ROBO2: variants seen among roughly 807,000 people sequenced by gnomAD.
ROBO2 encodes roundabout homolog 2.
A neutral mutation model predicts 160.8 loss-of-function variants in ROBO2; 53 were observed. That is an observed-to-expected ratio of 0.33 (90% CI 0.26 to 0.41). The LOEUF is 0.41. ROBO2 is among the 10% of genes least tolerant of loss of function. The pLI, the probability that ROBO2 is intolerant of heterozygous loss-of-function variation, is 1.00. For missense variants in ROBO2, 1,577 were observed against 1,722.4 expected (o/e 0.92, Z 1.49); for synonymous variants, 664 against 611.7 (o/e 1.09, Z -1.26).
At chr3:76,309,717 G>T (rs4855978) in intron 2 of ROBO2, among the ~76,000 whole-genome samples, 15,438 of 152,176 alleles carry the variant, frequency 0.1, 1,552 homozygotes, top group East Asian at 0.41. Context: ...AAGGAAATTA[G>T]TGACCATACA....
intron 2 of ROBO2, among the ~76,000 whole-genome samples, chr3:76,508,143 A>G (rs568028724): frequency 6.6e-6 from 1 of 152,344 alleles, no homozygotes; most frequent in Non-Finnish European, 1.5e-5. Context: ...ATATATAAAT[A>G]CATGTACACA....
intron 2 of ROBO2, among the ~76,000 whole-genome samples, chr3:76,695,848 A>T (rs1335900746): frequency 6.6e-6 from 1 of 152,170 alleles, no homozygotes; most frequent in Non-Finnish European, 1.5e-5. Context: ...CCATATACCT[A>T]ATCACTATAA....
intron 2 of ROBO2, among the ~76,000 whole-genome samples, chr3:76,480,808 G>C (rs2079168525): frequency 6.6e-6 from 1 of 152,222 alleles, no homozygotes; most frequent in African/African-American, 2.4e-5. Context: ...TTATAGCAAA[G>C]ATAATATTTT....
rs187757278 is a variant in ROBO2 at position 76,442,965 on chromosome 3, G to A, written c.109+505363G>A. ...TGCTATAAAAGATTAATCGAAGCTG[G>A]GTAATTTATAAAGAAAAAAGGTTTA... On this transcript the variant is annotated intron_variant, in intron 2 of 26. Transcript: ENST00000487694. Among the ~76,000 whole-genome samples, 406 of 152,084 alleles carry A rather than the reference G, an allele frequency of 2.7e-3. 1 individual carries two copies. The highest frequency in any genetic ancestry group is 8.9e-3 in the African/African-American group (371 of 41,482).
chr3:76,902,327 CTGTT>C (rs1227443381), intron 2 of ROBO2, among the ~76,000 whole-genome samples: 2 of 151,880 alleles, frequency 1.3e-5, no homozygotes, highest in Non-Finnish European at 2.9e-5. Flanking sequence ...ATGCACTACT[CTGTT>C]TATTTGGCAA....
At chr3:76,137,527 T>C (rs959806942) in intron 2 of ROBO2, among the ~76,000 whole-genome samples, 2 of 152,044 alleles carry the variant, frequency 1.3e-5, no homozygotes, top group African/African-American at 2.4e-5. Context: ...TTTTATACTT[T>C]AATTTCACAT....
At chr3:77,061,611 G>A (rs1423173494) in intron 1 of ROBO2, among the ~76,000 whole-genome samples, 2 of 152,140 alleles carry the variant, frequency 1.3e-5, no homozygotes, top group Non-Finnish European at 2.9e-5. Flanking sequence ...AACAATTCAG[G>A]AATGGCTTTC....
intron 2 of ROBO2, among the ~76,000 whole-genome samples, chr3:77,343,172 A>T (rs964726272): frequency 1.3e-5 from 2 of 152,058 alleles, no homozygotes; most frequent in African/African-American, 4.8e-5. Flanking sequence ...TAAAGATCCT[A>T]TACAGTCACA....
Position 76,885,389 on chromosome 3 carries a change from C to T in ROBO2, c.110-212625C>T, listed in dbSNP as rs377438904. ...CAAAAGCCACTTCAGGTTGACAGAA[C>T]ACATATTTATTAAACAAATATAAAA... is the stretch of plus-strand genomic sequence containing the variant. On this transcript the variant is annotated intron_variant, in intron 2 of 26. Transcript: ENST00000487694. Among the ~76,000 whole-genome samples the T allele has an allele frequency of 3.9e-5, 6 of 152,104 alleles. No individual in the cohort carries two copies. The East Asian group carries it at 7.7e-4, about 20-fold the overall frequency.
rs1250879409 is a variant in ROBO2, at chr3:76,842,868, CATGA to C, written c.110-255141_110-255138del. The stretch of plus-strand genomic sequence containing the variant: ...TATTCATTTCATTATCCCAGCTTGA[CATGA>C]ATGAGTTATTATTCCTGCTTTTCTA... On this transcript the variant is annotated intron_variant, in intron 2 of 26. Coordinates refer to the ROBO2 transcript ENST00000487694. Among the ~76,000 whole-genome samples the C allele has an allele frequency of 4.6e-5, 7 of 152,066 alleles. No individual in the cohort carries two copies. In the East Asian group the frequency reaches 7.7e-4, roughly 17 times the overall value.
chr3:76,884,508 AGGC>A (rs1201113264), intron 2 of ROBO2, among the ~76,000 whole-genome samples: 1 of 152,164 alleles, frequency 6.6e-6, no homozygotes, highest in East Asian at 1.9e-4. Context: ...CCTTGCACAG[AGGC>A]CAGCTGGTAT....
intron 2 of ROBO2, among the ~76,000 whole-genome samples, chr3:77,416,894 G>A (rs894622654): frequency 3.3e-5 from 5 of 152,048 alleles, no homozygotes; most frequent in Non-Finnish European, 7.4e-5. Flanking sequence ...TGGGGTAAAA[G>A]TTACATTTTG....
chr3:76,774,180 T>C (rs1342997405), intron 2 of ROBO2, among the ~76,000 whole-genome samples: 1 of 150,976 alleles, frequency 6.6e-6, no homozygotes, highest in Non-Finnish European at 1.5e-5. Context: ...ATGAATTATA[T>C]TGTAATTCTG....
intron 2 of ROBO2, among the ~76,000 whole-genome samples, chr3:76,301,386 G>T (rs1357619538): frequency 6.6e-6 from 1 of 151,846 alleles, no homozygotes; most frequent in Non-Finnish European, 1.5e-5. Context: ...TGAAGAATAG[G>T]CTTTCAAAAA....
chr3:77,410,801 C>G (rs1023191163), intron 2 of ROBO2, among the ~76,000 whole-genome samples: 1 of 148,226 alleles, frequency 6.7e-6, no homozygotes, highest in Non-Finnish European at 1.5e-5. Context: ...CCCCCTCCCT[C>G]TCCTCCTCCT....
intron 2 of ROBO2, among the ~76,000 whole-genome samples, chr3:76,174,590 G>C (rs1003680698): frequency 6.6e-6 from 1 of 152,128 alleles, no homozygotes; most frequent in African/African-American, 2.4e-5. Context: ...TGGCTAGTCA[G>C]TTTTCCCAGG....
At chr3:77,531,938 C>A (rs2091761082) in intron 6 of ROBO2, among the ~76,000 whole-genome samples, 1 of 152,204 alleles carries the variant, frequency 6.6e-6, no homozygotes, top group South Asian at 2.1e-4. Context: ...TGCAGAGTCC[C>A]ATTTACTTAT....
At chr3:76,310,947 G>C (rs974307535) in intron 2 of ROBO2, 1 of 152,278 alleles carries the variant, frequency 6.6e-6, no homozygotes, top group African/African-American at 2.4e-5. Context: ...ACATAATCCT[G>C]ACATCTTTTC....
rs188352868 is a variant in ROBO2 at position 77,079,454 on chromosome 3, A to G, written c.62-18560A>G. Among the ~76,000 whole-genome samples the G allele has an allele frequency of 5.4e-4, 82 of 152,274 alleles. 1 individual carries two copies. The East Asian group carries it at 0.012, about 23-fold the overall frequency. ...AAGGTCTTCCTGAGGCCAATTCATC[A>G]TGTGGCTACATTGAATAAGTGAATA... On this transcript the variant is annotated intron_variant, in intron 1 of 25. Coordinates refer to ENST00000461745, the Ensembl canonical transcript of ROBO2.
Sources: gnomAD v4.1 joint callset for allele counts (sites outside exome capture counted in the v4.1 genomes callset) on GRCh38, gnomAD v4.1.1 for gene constraint, MANE v1.5 for transcripts, NCBI Gene and HGNC (gene_info 2026-07-23, HGNC 2026-07-21) for gene names.